Variants in B3GAT2 observed in about 807,000 individuals in gnomAD.
The protein encoded by B3GAT2 is beta-1,3-glucuronyltransferase 2.
In B3GAT2, 26 loss-of-function variants were observed where a neutral mutation model predicts 27.8. That is an observed-to-expected ratio of 0.93 (90% CI 0.68 to 1.30). The LOEUF (loss-of-function observed/expected upper bound fraction) is 1.30. Ranked by LOEUF, B3GAT2 falls within the 50% of genes most tolerant of loss-of-function variation. The pLI, the probability that B3GAT2 is intolerant of heterozygous loss-of-function variation, is 0.00. For synonymous variants in B3GAT2, 218 were observed against 195.1 expected (o/e 1.12, Z -0.98); for missense variants, 458 against 459.0 (o/e 1.00, Z 0.02).
intron 1 of B3GAT2, among the ~76,000 whole-genome samples, chr6:70,932,240 AG>A (rs1773073646): frequency 6.6e-6 from 1 of 152,160 alleles, no homozygotes. Context: ...ACAGTAGGGT[AG>A]TTCTTCAAAA....
intron 1 of B3GAT2, among the ~76,000 whole-genome samples, chr6:70,902,637 T>TATATATATATAC (rs1491331231): frequency 2.2e-5 from 3 of 133,424 alleles, no homozygotes; most frequent in East Asian, 2.4e-4. Context: ...TATATATATA[T>TATATATATATAC]ACACACACAC....
At chr6:70,915,108 T>C (rs560013188) in intron 1 of B3GAT2, among the ~76,000 whole-genome samples, 1 of 152,378 alleles carries the variant, frequency 6.6e-6, no homozygotes, top group African/African-American at 2.4e-5. Flanking sequence ...CTAACTGGCA[T>C]GAGATGGTAT....
chr6:70,887,635 C>T (rs1016296692), intron 2 of B3GAT2, among the ~76,000 whole-genome samples: 1 of 152,042 alleles, frequency 6.6e-6, no homozygotes, highest in South Asian at 2.1e-4. Context: ...GGCGGAGCCT[C>T]AACAATTATA....
chr6:70,923,441 C>T (rs1772904072), intron 1 of B3GAT2, among the ~76,000 whole-genome samples: 1 of 152,124 alleles, frequency 6.6e-6, no homozygotes, highest in African/African-American at 2.4e-5. Flanking sequence ...CTTTGGGAGG[C>T]TGAGGTGTCA....
chr6:70,879,510 AC>A (rs1377603966), intron 2 of B3GAT2, among the ~76,000 whole-genome samples: 2 of 129,786 alleles, frequency 1.5e-5, no homozygotes, highest in Non-Finnish European at 1.6e-5. Context: ...CATTCATTCA[AC>A]AAAAACATAC....
intron 1 of B3GAT2, among the ~76,000 whole-genome samples, chr6:70,947,331 C>T (rs1264245862): frequency 6.6e-6 from 1 of 151,908 alleles, no homozygotes; most frequent in Non-Finnish European, 1.5e-5. Flanking sequence ...TGATAGACCA[C>T]TAGCAAGACT....
intron 1 of B3GAT2, among the ~76,000 whole-genome samples, chr6:70,914,007 A>G (rs60029019): frequency 0.23 from 35,336 of 152,078 alleles, 4,364 homozygotes; most frequent in Non-Finnish European, 0.28. Context: ...AAATTAGAAT[A>G]GTAACTCCTG....
intron 2 of B3GAT2, among the ~76,000 whole-genome samples, chr6:70,863,462 G>A (rs1771798509): frequency 6.6e-6 from 1 of 152,202 alleles, no homozygotes; most frequent in Non-Finnish European, 1.5e-5. Flanking sequence ...ATTAGCTGTA[G>A]GACTAGCCCC....
intron 1 of B3GAT2, among the ~76,000 whole-genome samples, chr6:70,952,587 T>C (rs1188308258): frequency 1.3e-5 from 2 of 152,124 alleles, no homozygotes; most frequent in Non-Finnish European, 2.9e-5. Flanking sequence ...GAGAGGGAGA[T>C]GGATAGGATG....
At chr6:70,888,430 T>G (rs1182955753) in intron 2 of B3GAT2, among the ~76,000 whole-genome samples, 1 of 152,110 alleles carries the variant, frequency 6.6e-6, no homozygotes, top group Non-Finnish European at 1.5e-5. Context: ...GAAAAAGGTG[T>G]TAAAAAGATC....
At chr6:70,952,755 C>G (rs1020420716) in intron 1 of B3GAT2, among the ~76,000 whole-genome samples, 1 of 152,182 alleles carries the variant, frequency 6.6e-6, no homozygotes, top group Admixed American at 6.5e-5. Flanking sequence ...TCACACTAAA[C>G]TTCATTTGCA....
rs113359940 is a variant in B3GAT2 at position 70,901,403 on chromosome 6, G to A, written c.592-7131C>T. Among the ~76,000 whole-genome samples the A allele has an allele frequency of 3.0e-3, 453 of 152,288 alleles. 2 individuals are homozygous for A. The highest frequency in any genetic ancestry group is 0.01 in the African/African-American group (432 of 41,554). ...AAATGGCTGATTCTAGGACTGGGAT[G>A]GGAAATACACAAGATAAGCCTGGAG... On this transcript the variant is annotated intron_variant, in intron 1 of 3. Coordinates refer to ENST00000230053, the MANE Select transcript of B3GAT2 (RefSeq NM_080742.3).
At position 70,859,097 on chromosome 6, in the gene B3GAT2, A is replaced by G. The variant is rs1771576745; in HGVS notation, c.*2566T>C. On this transcript the variant is annotated 3_prime_UTR_variant, in exon 4 of 4. Transcript: ENST00000230053. ...CACTTGTTTTACCTTTAGAGCATTC[A>G]GGGAATAGTCTAGAGTGATTTCTAA... The G allele has an allele frequency of 5.9e-6, 2 of 341,050 alleles. No homozygotes were observed. Among genetic ancestry groups the G allele is most frequent in the Non-Finnish European group, 1.1e-5 (2 of 187,824 alleles). The allele number at this position is 341,050 out of a possible 1,614,324, so 21.1% of individuals were successfully genotyped here. A position where few individuals can be genotyped will look rare whatever the true frequency, so the allele number is the denominator to read the frequency against.
intron 1 of B3GAT2, among the ~76,000 whole-genome samples, chr6:70,922,275 T>C (rs1303066436): frequency 1.3e-5 from 2 of 152,216 alleles, no homozygotes; most frequent in East Asian, 1.9e-4. Flanking sequence ...ATCAGAAACA[T>C]TAACAATTTG....
Position 70,861,413 on chromosome 6 carries a change from C to A in B3GAT2, c.*250G>T. On this transcript the variant is annotated 3_prime_UTR_variant, in exon 4 of 4. Coordinates refer to ENST00000230053, the MANE Select transcript of B3GAT2 (RefSeq NM_080742.3). Reference sequence around the variant, plus strand: ...CAGTATCGGCACTGTACAAAAAAATCTTCCAATTTAGTTGTTGTAGAGAAA... The same window carrying A: ...CAGTATCGGCACTGTACAAAAAAATATTCCAATTTAGTTGTTGTAGAGAAA... 2.1e-6 allele frequency: 1 copy of A among 474,684 alleles called. No homozygotes were observed. The highest frequency in any genetic ancestry group is 3.1e-5 in the South Asian group (1 of 32,090). 29.4% of individuals were successfully genotyped at this position (474,684 alleles called of 1,614,324 possible). A position where few individuals can be genotyped will look rare whatever the true frequency, so the allele number is the denominator to read the frequency against.
intron 2 of B3GAT2, among the ~76,000 whole-genome samples, chr6:70,890,882 C>T (rs961069513): frequency 3.3e-5 from 5 of 152,262 alleles, no homozygotes; most frequent in Admixed American, 1.3e-4. Context: ...CCACGGGCCA[C>T]ATCCTAGAAT....
intron 1 of B3GAT2, among the ~76,000 whole-genome samples, chr6:70,924,740 G>A (rs548290847): frequency 2.6e-5 from 4 of 152,264 alleles, no homozygotes; most frequent in African/African-American, 9.6e-5. Context: ...AACTTTGGAA[G>A]AAATTTAGTT....
intron 1 of B3GAT2, among the ~76,000 whole-genome samples, chr6:70,929,518 A>G (rs572962417): frequency 6.6e-6 from 1 of 152,314 alleles, no homozygotes; most frequent in South Asian, 2.1e-4. Flanking sequence ...ATACAAAATC[A>G]ATGTGCAAAA....
chr6:70,907,102 T>G (rs1460044641), intron 1 of B3GAT2, among the ~76,000 whole-genome samples: 6 of 152,184 alleles, frequency 3.9e-5, no homozygotes, highest in Non-Finnish European at 8.8e-5. Context: ...CTTCTCTTCC[T>G]TATTGGCTAA....
Sources: gnomAD v4.1 joint callset for allele counts (sites outside exome capture counted in the v4.1 genomes callset) on GRCh38, gnomAD v4.1.1 for gene constraint, MANE v1.5 for transcripts, NCBI Gene and HGNC (gene_info 2026-07-23, HGNC 2026-07-21) for gene names.